The following TUSC3 variants were observed in gnomAD, a reference collection of about 807,000 sequenced individuals.
TUSC3 encodes the protein dolichyl-diphosphooligosaccharide--protein glycosyltransferase subunit TUSC3.
In TUSC3, 45 loss-of-function variants were observed where a neutral mutation model predicts 44.8. The observed-to-expected ratio is 1.00, with a 90% CI of 0.79 to 1.29. TUSC3 has a LOEUF of 1.29. Ranked by LOEUF, TUSC3 falls within the 50% of genes most tolerant of loss-of-function variation. TUSC3 has a pLI of 0.00. For synonymous variants in TUSC3, 212 were observed against 152.9 expected (o/e 1.39, Z -2.85); for missense variants, 519 against 437.9 (o/e 1.19, Z -1.65).
At chr8:15,450,566 A>G (rs1437243690) in intron 1 of TUSC3, among the ~76,000 whole-genome samples, 1 of 152,170 alleles carries the variant, frequency 6.6e-6, no homozygotes, top group African/African-American at 2.4e-5. Context: ...GCTTTTCAGG[A>G]GGCTGAGGCA....
At chr8:15,729,158 T>C (rs929860112) in intron 6 of TUSC3, among the ~76,000 whole-genome samples, 2 of 152,214 alleles carry the variant, frequency 1.3e-5, no homozygotes, top group African/African-American at 4.8e-5. Flanking sequence ...AGTTGTTACG[T>C]AAATTTGGCC....
intron 2 of TUSC3, among the ~76,000 whole-genome samples, chr8:15,630,542 G>A (rs1296338469): frequency 6.6e-6 from 1 of 152,116 alleles, no homozygotes; most frequent in East Asian, 1.9e-4. Flanking sequence ...AAAGCTGAGA[G>A]GTTATAATTT....
intron 6 of TUSC3, among the ~76,000 whole-genome samples, chr8:15,692,386 T>TTG (rs1808954119): frequency 7.0e-6 from 1 of 142,248 alleles, no homozygotes; most frequent in African/African-American, 2.6e-5. Context: ...TTTTTTTTTT[T>TTG]TTTTTTTTTT....
Position 15,615,236 on chromosome 8 carries a change from A to G in TUSC3, c.139-7844A>G, listed in dbSNP as rs543138253. The stretch of plus-strand genomic sequence containing the variant: ...AGTGTCCATCAATAGATGAATGGAT[A>G]ACAAAAGTGTTGTATATACACAATG... On this transcript the variant is annotated intron_variant, in intron 1 of 10. Coordinates refer to ENST00000503731, the MANE Select transcript of TUSC3 (RefSeq NM_006765.4). Among the ~76,000 whole-genome samples, 22 of 152,358 alleles carry G rather than the reference A, an allele frequency of 1.4e-4. No individual in the cohort carries two copies. In the East Asian group the frequency reaches 3.7e-3, roughly 25 times the overall value.
chr8:15,748,860 T>C (rs567284325), intron 9 of TUSC3: 1 of 404,272 alleles, frequency 2.5e-6, no homozygotes, highest in African/African-American at 2.1e-5. Flanking sequence ...TCTACAAAAT[T>C]TTAACTTTTC....
intron 1 of TUSC3, among the ~76,000 whole-genome samples, chr8:15,452,046 C>T (rs1800201956): frequency 6.6e-6 from 1 of 152,154 alleles, no homozygotes; most frequent in Non-Finnish European, 1.5e-5. Flanking sequence ...AACCACTCAG[C>T]ACCATCCCCA....
In TUSC3 at chr8:15,755,090, C is replaced by A. The variant is rs184595889; in HGVS notation, c.1029-2701C>A. On this transcript the variant is annotated intron_variant, in intron 9 of 10. Coordinates refer to ENST00000503731, the MANE Select transcript of TUSC3 (RefSeq NM_006765.4). ...TACCCTTAACAGTTTACGTATGAAT[C>A]TGTCTCATGCCATTACTAAATTCTC... Among the ~76,000 whole-genome samples the A allele has an allele frequency of 4.0e-3, 616 of 152,214 alleles. 4 individuals are homozygous for A. Among genetic ancestry groups the A allele is most frequent in the African/African-American group, 0.014 (591 of 41,544 alleles).
chr8:15,534,920 C>T (rs938340601), intron 2 of TUSC3, among the ~76,000 whole-genome samples: 1 of 152,090 alleles, frequency 6.6e-6, no homozygotes, highest in Admixed American at 6.5e-5. Flanking sequence ...GAAGTATGGC[C>T]GCTGGGATTG....
rs1420593125 is a variant in TUSC3, at chr8:15,748,381, G to T, written c.944G>T (p.Cys315Phe). Residue 315 changes from cysteine to phenylalanine, a missense_variant, in exon 9 of 11, where the codon TGC becomes TTC. Cys to Phe is a radical substitution (Grantham distance 205). Transcript: ENST00000503731. ...ATTTTCTGTCTGTTTCTAGTAATTTGCCTAGTGGGATTGGGCCTGGTGGTC... is the reference window on the plus strand; with the variant it reads ...ATTTTCTGTCTGTTTCTAGTAATTTTCCTAGTGGGATTGGGCCTGGTGGTC... ...KGDVGKRRII[C>F]LVGLGLVVFF... 3 of 1,612,694 alleles carry T rather than the reference G, an allele frequency of 1.9e-6. No homozygotes were observed. Among genetic ancestry groups the T allele is most frequent in the Non-Finnish European group, 2.5e-6 (3 of 1,179,010 alleles).
At chr8:15,698,025 A>G (rs1809243663) in intron 6 of TUSC3, among the ~76,000 whole-genome samples, 1 of 152,192 alleles carries the variant, frequency 6.6e-6, no homozygotes, top group African/African-American at 2.4e-5. Flanking sequence ...TACAAAGTTA[A>G]TATACACCAT....
At chr8:15,595,604 A>T (rs1043268468) in intron 1 of TUSC3, among the ~76,000 whole-genome samples, 1 of 152,118 alleles carries the variant, frequency 6.6e-6, no homozygotes, top group South Asian at 2.1e-4. Context: ...CGGGTGGGCA[A>T]ATCAGTCGCT....
At chr8:15,768,895 G>A (rs919546323), downstream of TUSC3, among the ~76,000 whole-genome samples, 6 of 152,096 alleles carry the variant, frequency 3.9e-5, no homozygotes, top group African/African-American at 1.2e-4. Flanking sequence ...CCTCTTCAAG[G>A]AGAACTACAA....
At chr8:15,608,099 T>A (rs1052035565) in intron 1 of TUSC3, among the ~76,000 whole-genome samples, 1 of 152,206 alleles carries the variant, frequency 6.6e-6, no homozygotes, top group African/African-American at 2.4e-5. Context: ...TGTATTTGCA[T>A]TTAATTAGCA....
chr8:15,797,758 G>C, the TUSC3 span, among the ~76,000 whole-genome samples: 1 of 152,136 alleles, frequency 6.6e-6, no homozygotes, highest in Non-Finnish European at 1.5e-5. Flanking sequence ...ATGTCAAAAT[G>C]GGTTTCAGCA....
At chr8:15,798,651 G>T in the TUSC3 span, among the ~76,000 whole-genome samples, 21 of 130,632 alleles carry the variant, frequency 1.6e-4, no homozygotes, top group South Asian at 4.6e-4. Flanking sequence ...TGGGTGTGTG[G>T]GGGGGGTCCT....
At chr8:15,578,894 C>G (rs1358314691) in intron 1 of TUSC3, among the ~76,000 whole-genome samples, 3 of 152,068 alleles carry the variant, frequency 2.0e-5, no homozygotes, top group Non-Finnish European at 2.9e-5. Context: ...AGGAATGGTA[C>G]CAGTTCCTCC....
At chr8:15,816,203 C>T in the TUSC3 span, among the ~76,000 whole-genome samples, 1 of 152,088 alleles carries the variant, frequency 6.6e-6, no homozygotes, top group Admixed American at 6.5e-5. Context: ...ATTAATGAGT[C>T]AGATTCCTAA....
rs1162893208 is a variant in TUSC3 at position 15,650,700 on chromosome 8, A to G, written c.312A>G (p.Gln104=). 6 of 1,612,992 alleles carry G rather than the reference A, an allele frequency of 3.7e-6. No individual in the cohort carries two copies. The highest frequency in any genetic ancestry group is 1.6e-4 in the Middle Eastern group (1 of 6,082). Reference sequence around the variant, plus strand: ...TATGGCCCATTATTCTTATCAGGCAAGCTAATGAAGAATATCAAATACTGG... The same window carrying G: ...TATGGCCCATTATTCTTATCAGGCAGGCTAATGAAGAATATCAAATACTGG... ...QPQRQCSVCR[Q]ANEEYQILAN... The change falls in exon 3 of 11, where the codon CAA becomes CAG. Residue 104 remains glutamine (Q), a synonymous_variant. Coordinates refer to ENST00000503731, the MANE Select transcript of TUSC3 (RefSeq NM_006765.4).
At chr8:15,743,763 T>A (rs1218108817) in intron 8 of TUSC3, 151 bp downstream of exon 8, 2 of 855,990 alleles carry the variant, frequency 2.3e-6, no homozygotes, top group Non-Finnish European at 3.9e-6. Flanking sequence ...ATTGCTGGGA[T>A]GTGTTCATAT....
Sources: allele counts gnomAD v4.1 joint callset (sites outside exome capture counted in the v4.1 genomes callset), GRCh38; gene constraint gnomAD v4.1.1; transcripts MANE v1.5; gene names NCBI Gene and HGNC (gene_info 2026-07-23, HGNC 2026-07-21).